The following CNBD1 variants were observed in gnomAD, a reference collection of about 807,000 sequenced individuals.
CNBD1 encodes cyclic nucleotide binding domain containing 1.
A neutral mutation model predicts 54.4 loss-of-function variants in CNBD1; 71 were observed. That is an observed-to-expected ratio of 1.30 (90% CI 1.08 to 1.59). CNBD1 has a LOEUF of 1.59. Ranked by LOEUF, CNBD1 falls within the 40% of genes most tolerant of loss-of-function variation. The pLI, the probability that CNBD1 is intolerant of heterozygous loss-of-function variation, is 0.00. For synonymous variants in CNBD1, 182 were observed against 170.7 expected (o/e 1.07, Z -0.51); for missense variants, 659 against 518.0 (o/e 1.27, Z -2.64).
intron 4 of CNBD1, among the ~76,000 whole-genome samples, chr8:87,175,896 G>T (rs995299458): frequency 5.3e-5 from 8 of 152,316 alleles, no homozygotes; most frequent in African/African-American, 1.9e-4. Flanking sequence ...AGTTCTGAGT[G>T]CTGGGATGGG....
chr8:86,895,787 T>C lies in CNBD1; in HGVS notation c.158+8176T>C, dbSNP rs558668874. Among the ~76,000 whole-genome samples the C allele has an allele frequency of 3.9e-5, 6 of 152,274 alleles. No homozygotes were observed. The East Asian group carries it at 5.8e-4, about 15-fold the overall frequency. On this transcript the variant is annotated intron_variant, in intron 2 of 10. Transcript: ENST00000518476. ...CAGATTCTGTCTGTTTTAAAATTGG[T>C]TTCTTTGTTTTCTTATTGTTGAGTT... is the stretch of plus-strand genomic sequence containing the variant.
chr8:87,134,707 A>G (rs973397352), intron 4 of CNBD1, among the ~76,000 whole-genome samples: 6 of 138,430 alleles, frequency 4.3e-5, no homozygotes, highest in African/African-American at 1.6e-4. Context: ...GGTTCACACC[A>G]TTTTCCTGCC....
intron 2 of CNBD1, among the ~76,000 whole-genome samples, chr8:86,890,318 C>T (rs1030224787): frequency 1.3e-4 from 20 of 152,072 alleles, no homozygotes; most frequent in African/African-American, 4.8e-4. Context: ...TTTTCAGATT[C>T]CACCTCTATG....
chr8:87,310,832 T>C (rs143822594), intron 8 of CNBD1, among the ~76,000 whole-genome samples: 224 of 152,164 alleles, frequency 1.5e-3, no homozygotes, highest in African/African-American at 4.9e-3. Flanking sequence ...AAGCTACACA[T>C]CTGCAACTGT....
At chr8:87,420,113 G>C (rs910558104) in intron 2 of CNBD1, among the ~76,000 whole-genome samples, 2 of 151,330 alleles carry the variant, frequency 1.3e-5, no homozygotes, top group African/African-American at 4.9e-5. Context: ...CACATTTACA[G>C]AATAAAAGAT....
At chr8:87,108,627 G>T (rs1811592363) in intron 4 of CNBD1, among the ~76,000 whole-genome samples, 1 of 152,142 alleles carries the variant, frequency 6.6e-6, no homozygotes, top group African/African-American at 2.4e-5. Flanking sequence ...TTGGAGGAAG[G>T]GGTTTTAAGG....
intron 4 of CNBD1, among the ~76,000 whole-genome samples, chr8:87,179,630 A>G (rs1469964520): frequency 6.6e-6 from 1 of 152,216 alleles, no homozygotes; most frequent in Non-Finnish European, 1.5e-5. Flanking sequence ...CACGACCCAG[A>G]GTTGGCTACA....
At chr8:87,382,419 G>T (rs1277656907) in intron 10 of CNBD1, among the ~76,000 whole-genome samples, 1 of 151,942 alleles carries the variant, frequency 6.6e-6, no homozygotes, top group Non-Finnish European at 1.5e-5. Flanking sequence ...GTGGAAAAAT[G>T]ATCACTCTCA....
chr8:87,081,771 G>C (rs1810999142), intron 4 of CNBD1, among the ~76,000 whole-genome samples: 1 of 152,046 alleles, frequency 6.6e-6, no homozygotes, highest in Admixed American at 6.6e-5. Flanking sequence ...CTCCCAAAGT[G>C]CTGGGATTAC....
chr8:86,880,860 G>T lies in CNBD1; in HGVS notation c.89-6682G>T, dbSNP rs553315859. 3.9e-5 allele frequency among the ~76,000 whole-genome samples: 6 copies of T among 152,232 alleles called. No individual in the cohort carries two copies. In the South Asian group the frequency reaches 1.0e-3, roughly 26 times the overall value. ...GGAGGCTTCATCTCTGGGATGCAAG[G>T]TTGGTTCAACATATGCAAATCAAGA... On this transcript the variant is annotated intron_variant, in intron 1 of 10. Transcript: ENST00000518476.
chr8:87,293,406 C>T (rs1416601340), intron 8 of CNBD1, among the ~76,000 whole-genome samples: 4 of 151,802 alleles, frequency 2.6e-5, no homozygotes, highest in Non-Finnish European at 1.5e-5. Flanking sequence ...TAGCCAGGCA[C>T]AGTGGCAGGC....
At chr8:87,201,066 T>A (rs1563505355) in intron 4 of CNBD1, among the ~76,000 whole-genome samples, 3 of 152,144 alleles carry the variant, frequency 2.0e-5, no homozygotes, top group Non-Finnish European at 4.4e-5. Context: ...ATGGAATTTA[T>A]TCCAGTAATG....
intron 4 of CNBD1, among the ~76,000 whole-genome samples, chr8:87,152,105 A>C (rs1345864619): frequency 3.3e-5 from 5 of 152,136 alleles, no homozygotes; most frequent in Non-Finnish European, 5.9e-5. Context: ...GAAAGTGTTT[A>C]ATGTGAAGAC....
At chr8:86,901,120 G>T (rs1808926496) in intron 2 of CNBD1, among the ~76,000 whole-genome samples, 1 of 152,004 alleles carries the variant, frequency 6.6e-6, no homozygotes, top group South Asian at 2.1e-4. Flanking sequence ...ACATTTTTAT[G>T]GAATGTTTAT....
At chr8:87,262,626 T>C (rs946562731) in intron 6 of CNBD1, among the ~76,000 whole-genome samples, 4 of 152,200 alleles carry the variant, frequency 2.6e-5, no homozygotes, top group African/African-American at 9.6e-5. Flanking sequence ...GTTCTGTTTT[T>C]CTGGAGAACC....
intron 4 of CNBD1, among the ~76,000 whole-genome samples, chr8:87,009,123 A>G (rs1359273398): frequency 6.6e-6 from 1 of 151,954 alleles, no homozygotes; most frequent in Non-Finnish European, 1.5e-5. Flanking sequence ...AAATTACTAA[A>G]TATCTCTTTA....
At chr8:87,012,856 G>A (rs1439738371) in intron 4 of CNBD1, among the ~76,000 whole-genome samples, 1 of 152,150 alleles carries the variant, frequency 6.6e-6, no homozygotes, top group African/African-American at 2.4e-5. Context: ...TTTCTTAAAT[G>A]TATTTGATTG....
intron 4 of CNBD1, among the ~76,000 whole-genome samples, chr8:87,113,836 G>A (rs934603022): frequency 2.6e-5 from 4 of 151,834 alleles, no homozygotes; most frequent in South Asian, 2.1e-4. Context: ...GGAGAATGGC[G>A]TGAACCTGGG....
At chr8:87,288,222 G>A (rs183973931) in intron 8 of CNBD1, among the ~76,000 whole-genome samples, 1 of 151,924 alleles carries the variant, frequency 6.6e-6, no homozygotes, top group Admixed American at 6.6e-5. Context: ...TTCTAACGTA[G>A]CATATTAATT....
Sources: allele counts gnomAD v4.1 joint callset (sites outside exome capture counted in the v4.1 genomes callset), GRCh38; gene constraint gnomAD v4.1.1; transcripts MANE v1.5; gene names NCBI Gene and HGNC (gene_info 2026-07-23, HGNC 2026-07-21).